ANKRD24: variants seen among roughly 807,000 people sequenced by gnomAD.
ANKRD24 encodes the protein ankyrin repeat domain 24, also known as ankyrin repeat domain-containing protein 24.
ANKRD24 carries 109 observed loss-of-function variants against 127.8 expected under a neutral mutation model. The observed-to-expected ratio is 0.85, with a 90% CI of 0.73 to 1.00. ANKRD24 has a LOEUF of 1.00. Among genes scored for constraint, ANKRD24 ranks in the 50% least tolerant of loss-of-function variants. ANKRD24 has a pLI of 0.00. For missense variants in ANKRD24, 1,648 were observed against 1,570.2 expected, an observed-to-expected ratio of 1.05 and a Z score of -0.84; for synonymous variants, 743 against 671.1, an observed-to-expected ratio of 1.11 and a Z score of -1.66.
chr19:4,223,159 T>C (rs1207259123), intron 20 of ANKRD24, among the ~76,000 whole-genome samples: 1 of 151,870 alleles, frequency 6.6e-6, no homozygotes, highest in Non-Finnish European at 1.5e-5. Context: ...TTGGCAAGGC[T>C]GGTCTTGAAC....
chr19:4,224,377 G>C, intron 21 of ANKRD24, 51 bp from the exon 22 acceptor site: 3 of 1,582,412 alleles, frequency 1.9e-6, no homozygotes, highest in Non-Finnish European at 2.6e-6. Flanking sequence ...AGGGACTTGG[G>C]GCAGCCATGG....
In ANKRD24 at chr19:4,195,172, A is replaced by T. The variant is rs1184475881; in HGVS notation, c.37-4511A>T. Reference sequence around the variant, plus strand: ...ACTGCAAGCTCCGCCTCCCGGGTGCACGCCATTCTCCTGCCTCAGTCTCCC... The same window carrying T: ...ACTGCAAGCTCCGCCTCCCGGGTGCTCGCCATTCTCCTGCCTCAGTCTCCC... On this transcript the variant is annotated intron_variant, in intron 2 of 21. Transcript: ENST00000318934. This position sits in a 1 kb window ranked among gnomAD's most constrained non-coding sequence, Gnocchi z 4.2. 6.6e-6 allele frequency among the ~76,000 whole-genome samples: 1 copy of T among 151,462 alleles called. No individual in the cohort carries two copies. Among genetic ancestry groups the T allele is most frequent in the Non-Finnish European group, 1.5e-5 (1 of 67,668 alleles).
intron 20 of ANKRD24, among the ~76,000 whole-genome samples, chr19:4,223,395 A>AT (rs1337920712): frequency 5.1e-4 from 30 of 58,976 alleles, no homozygotes; most frequent in African/African-American, 1.9e-3. Context: ...ATATATATAT[A>AT]TATATATTTT....
At chr19:4,204,899 C>T (rs761433734) in intron 7 of ANKRD24, among the ~76,000 whole-genome samples, 2 of 152,042 alleles carry the variant, frequency 1.3e-5, no homozygotes, top group Admixed American at 6.6e-5. Flanking sequence ...GTCAGGAGTT[C>T]GAGAATAGCC....
In ANKRD24 at chr19:4,200,514, TTTG is replaced by T. The variant is rs1319862438; in HGVS notation, c.343+346_343+348del. ...TGCAAAGTTTCTGGGGTTTTGTTGTTTTGTTTTTCTTTTTTGGGGGGAGGGACA... is the reference window on the plus strand; with the variant it reads ...TGCAAAGTTTCTGGGGTTTTGTTGTTTTTTTCTTTTTTGGGGGGAGGGACA... On this transcript the variant is annotated intron_variant, in intron 5 of 21. Coordinates refer to ENST00000318934, the MANE Select transcript of ANKRD24 (RefSeq NM_001393985.1). Among the ~76,000 whole-genome samples the T allele has an allele frequency of 5.9e-5, 9 of 151,976 alleles. No individual in the cohort carries two copies. The South Asian group carries it at 1.9e-3, about 32-fold the overall frequency.
chr19:4,222,024 T>G (rs949527928), intron 19 of ANKRD24, among the ~76,000 whole-genome samples: 1 of 152,182 alleles, frequency 6.6e-6, no homozygotes, highest in African/African-American at 2.4e-5. Context: ...GCCCGGCATT[T>G]ATTGAGTGCC....
In ANKRD24 at chr19:4,199,586, C is replaced by T; in HGVS notation, c.37-97C>T. 6.9e-7 allele frequency: 1 copy of T among 1,445,724 alleles called. No individual in the cohort carries two copies. Among genetic ancestry groups the T allele is most frequent in the Admixed American group, 2.8e-5 (1 of 35,288 alleles). 89.6% of individuals were successfully genotyped at this position (1,445,724 alleles called of 1,614,324 possible). Reference sequence around the variant, plus strand: ...ATGCTGGTGGTGGGCTTTTGTTGGACAACTGGGGTGATGGGCCTGGGGGCA... The same window carrying T: ...ATGCTGGTGGTGGGCTTTTGTTGGATAACTGGGGTGATGGGCCTGGGGGCA... On this transcript the variant is annotated intron_variant, in intron 2 of 21. Coordinates refer to ENST00000318934, the MANE Select transcript of ANKRD24 (RefSeq NM_001393985.1). The surrounding 1 kb of genome is among the most constrained non-coding windows in gnomAD (Gnocchi z 5.2).
In ANKRD24 at chr19:4,217,616, G is replaced by C; in HGVS notation, c.2456G>C (p.Arg819Pro). The change falls in exon 18 of 22, where the codon CGG (arginine) becomes CCG (proline). Residue 819 changes from arginine to proline, a missense_variant. Arg to Pro is a moderately radical substitution (Grantham distance 103). Coordinates refer to ENST00000318934, the MANE Select transcript of ANKRD24 (RefSeq NM_001393985.1). ...GCCTCGGCCTGCCTGGATGAGGCTC[G>C]GGCCAGCCGGCTGCTGGCGGAGGAG... ...EAASACLDEA[R>P]ASRLLAEEEA... The C allele has an allele frequency of 1.6e-6, 2 of 1,289,452 alleles. No individual in the cohort carries two copies. The highest frequency in any genetic ancestry group is 2.0e-6 in the Non-Finnish European group (2 of 1,022,166). 79.9% of individuals were successfully genotyped at this position (1,289,452 alleles called of 1,614,324 possible).
chr19:4,196,436 C>T lies in ANKRD24; in HGVS notation c.37-3247C>T, dbSNP rs547001561. ...TGTCACCCAGGCTGGAGTGCAGTGA[C>T]GCGATCTCGGCTTACTGCAACCTCT... On this transcript the variant is annotated intron_variant, in intron 2 of 21. Coordinates refer to ENST00000318934, the MANE Select transcript of ANKRD24 (RefSeq NM_001393985.1). Among the ~76,000 whole-genome samples, 7 of 152,174 alleles carry T rather than the reference C, an allele frequency of 4.6e-5. No homozygotes were observed. In the East Asian group the frequency reaches 7.7e-4, roughly 17 times the overall value.
At chr19:4,209,410 T>C (rs1156955597) in intron 11 of ANKRD24, among the ~76,000 whole-genome samples, 1 of 147,664 alleles carries the variant, frequency 6.8e-6, no homozygotes, top group Non-Finnish European at 1.5e-5. Context: ...GCGCGACCCC[T>C]CTCCTAGTTT....
At position 4,198,606 on chromosome 19, in the gene ANKRD24, G is replaced by A; in HGVS notation, c.37-1077G>A. 1 of 431,194 alleles carries A rather than the reference G, an allele frequency of 2.3e-6. No homozygotes were observed. The highest frequency in any genetic ancestry group is 5.1e-5 in the South Asian group (1 of 19,636). 26.7% of individuals were successfully genotyped at this position (431,194 alleles called of 1,614,324 possible). On this transcript the variant is annotated intron_variant, in intron 2 of 21. Transcript: ENST00000318934. This position sits in a 1 kb window ranked among gnomAD's most constrained non-coding sequence, Gnocchi z 6.1. ...CTCTCCCCTCCCTTCCCCGTCCCCG[G>A]CTGACCTGGACCACCCCCCCATTCC...
At chr19:4,197,314 G>C (rs1182694689) in intron 2 of ANKRD24, among the ~76,000 whole-genome samples, 1 of 152,096 alleles carries the variant, frequency 6.6e-6, no homozygotes. Context: ...ATGAGGCAAT[G>C]AGTGAATGAA....
At chr19:4,210,184 G>C in intron 12 of ANKRD24, 46 bp downstream of exon 12, 1 of 1,572,474 alleles carries the variant, frequency 6.4e-7, no homozygotes, top group Non-Finnish European at 8.6e-7. Context: ...GAGCCCCCAG[G>C]CACGGGGAGG....
intron 2 of ANKRD24, among the ~76,000 whole-genome samples, chr19:4,190,699 C>T (rs352499): frequency 0.43 from 65,453 of 151,720 alleles, 14,583 homozygotes; most frequent in Middle Eastern, 0.55. Flanking sequence ...CGCCATTGCA[C>T]GATTGCCCAG....
intron 10 of ANKRD24, 109 bp from the exon 11 acceptor site, chr19:4,208,655 G>A (rs777399082): frequency 1.9e-5 from 20 of 1,063,094 alleles, no homozygotes; most frequent in East Asian, 7.9e-5. Context: ...TACCTTAAAC[G>A]CCCTGATTCT....
chr19:4,198,655 G>A lies in ANKRD24; in HGVS notation c.37-1028G>A, dbSNP rs1190124150. The A allele has an allele frequency of 5.0e-6, 2 of 402,064 alleles. No homozygotes were observed. The highest frequency in any genetic ancestry group is 8.5e-5 in the South Asian group (1 of 11,738). The allele number at this position is 402,064 out of a possible 1,614,324, so 24.9% of individuals were successfully genotyped here. On this transcript the variant is annotated intron_variant, in intron 2 of 21. Coordinates refer to ENST00000318934, the MANE Select transcript of ANKRD24 (RefSeq NM_001393985.1). This position sits in a 1 kb window ranked among gnomAD's most constrained non-coding sequence, Gnocchi z 6.1. Reference sequence around the variant, plus strand: ...CCAGACCCGGGAAAGATGGTCGGCGGCGGGGGGTGGGGGGGAACAGAGGTT... The same window carrying A: ...CCAGACCCGGGAAAGATGGTCGGCGACGGGGGGTGGGGGGGAACAGAGGTT...
At chr19:4,220,099 G>A (rs1001388227) in intron 19 of ANKRD24, among the ~76,000 whole-genome samples, 2 of 152,164 alleles carry the variant, frequency 1.3e-5, no homozygotes, top group Non-Finnish European at 2.9e-5. Context: ...AGCCTCCCGA[G>A]CAGCTGGGAT....
In ANKRD24 at chr19:4,200,008, G is replaced by C; in HGVS notation, c.254+3G>C. 1 of 1,563,608 alleles carries C rather than the reference G, an allele frequency of 6.4e-7. No homozygotes were observed. Among genetic ancestry groups the C allele is most frequent in the Non-Finnish European group, 8.7e-7 (1 of 1,152,668 alleles). ...CTAGACCCCGAGGGCAAGTCCGCGT[G>C]AGTGCCCGCGACCCGGGAGTGAGAT... On this transcript the variant is annotated splice_donor_region_variant and intron_variant, in intron 4 of 21. Transcript: ENST00000318934.
In ANKRD24 at chr19:4,195,375, T is replaced by C. The variant is rs1018351188; in HGVS notation, c.37-4308T>C. On this transcript the variant is annotated intron_variant, in intron 2 of 21. Transcript: ENST00000318934. This position sits in a 1 kb window ranked among gnomAD's most constrained non-coding sequence, Gnocchi z 4.2. ...AGGCGTGAGCCACCATGCCTGGCCA[T>C]TTGCTCTGATCTTGTATGGCATCCA... 1.8e-4 allele frequency among the ~76,000 whole-genome samples: 28 copies of C among 152,042 alleles called. No homozygotes were observed. Among genetic ancestry groups the C allele is most frequent in the Admixed American group, 1.6e-3 (25 of 15,262 alleles).
Sources: allele counts gnomAD v4.1 joint callset (sites outside exome capture counted in the v4.1 genomes callset), GRCh38; gene constraint gnomAD v4.1.1; non-coding constraint Gnocchi (gnomAD v3.1); transcripts MANE v1.5; gene names NCBI Gene and HGNC (gene_info 2026-07-23, HGNC 2026-07-21).